FMNL2: variants seen among roughly 807,000 people sequenced by gnomAD.
FMNL2 encodes formin-like protein 2.
FMNL2 carries 51 observed loss-of-function variants against 130.2 expected under a neutral mutation model. That is an observed-to-expected ratio of 0.39 (90% confidence interval 0.31 to 0.49). FMNL2 has a LOEUF of 0.49. Ranked by LOEUF, FMNL2 falls within the 20% of genes least tolerant of loss-of-function variation. FMNL2 has a pLI of 0.85. For synonymous variants in FMNL2, 465 were observed against 467.1 expected, an observed-to-expected ratio of 1.00 and a Z score of 0.06; for missense variants, 977 against 1,316.2, an observed-to-expected ratio of 0.74 and a Z score of 3.99.
chr2:152,381,442 A>G (rs963433725), intron 1 of FMNL2, among the ~76,000 whole-genome samples: 3 of 152,188 alleles, frequency 2.0e-5, no homozygotes, highest in Non-Finnish European at 2.9e-5. Flanking sequence ...TGGGGAGACA[A>G]TGAGAGGAGC....
intron 2 of FMNL2, among the ~76,000 whole-genome samples, chr2:152,533,033 C>T (rs539262585): frequency 6.6e-6 from 1 of 152,256 alleles, no homozygotes; most frequent in East Asian, 1.9e-4. Context: ...TTTTGTCTCA[C>T]TTTTTAGTAT....
chr2:152,627,311 A>G (rs1012741193), intron 17 of FMNL2, among the ~76,000 whole-genome samples: 2 of 152,240 alleles, frequency 1.3e-5, no homozygotes, highest in African/African-American at 4.8e-5. Context: ...TTACTCTTGA[A>G]CTGCATAGAA....
intron 25 of FMNL2, chr2:152,645,471 T>C (rs1486387153): frequency 2.0e-5 from 26 of 1,290,070 alleles, no homozygotes; most frequent in Non-Finnish European, 2.6e-5. Context: ...TTCCAAATGT[T>C]CACTCGAGGG....
At chr2:152,456,725 C>T (rs1688977329) in intron 1 of FMNL2, among the ~76,000 whole-genome samples, 1 of 151,954 alleles carries the variant, frequency 6.6e-6, no homozygotes, top group African/African-American at 2.4e-5. Flanking sequence ...GGGCGAATCA[C>T]GAGGTCAGGA....
intron 1 of FMNL2, among the ~76,000 whole-genome samples, chr2:152,374,562 C>T (rs560374078): frequency 3.2e-4 from 49 of 152,086 alleles, no homozygotes; most frequent in South Asian, 2.7e-3. Flanking sequence ...GAAAATGACG[C>T]GGATTATGGA....
intron 21 of FMNL2, among the ~76,000 whole-genome samples, chr2:152,634,888 C>A (rs1682455164): frequency 6.6e-6 from 1 of 151,724 alleles, no homozygotes. Context: ...TGTAGTGGAT[C>A]AGACCAGCAG....
chr2:152,593,902 T>TGTGTGTGTGAGAGA (rs1296082394), intron 9 of FMNL2, among the ~76,000 whole-genome samples: 2 of 81,636 alleles, frequency 2.4e-5, no homozygotes, highest in East Asian at 7.5e-4. Context: ...TGTGTGTGTG[T>TGTGTGTGTGAGAGA]GAGAGAGAGA....
intron 9 of FMNL2, among the ~76,000 whole-genome samples, chr2:152,600,915 A>G (rs1277263341): frequency 6.6e-6 from 1 of 152,200 alleles, no homozygotes; most frequent in Non-Finnish European, 1.5e-5. Flanking sequence ...ATTCAGGGCC[A>G]GCACAGCCAA....
intron 1 of FMNL2, among the ~76,000 whole-genome samples, chr2:152,498,040 A>G (rs555500339): frequency 1.1e-4 from 16 of 152,264 alleles, no homozygotes; most frequent in Admixed American, 3.9e-4. Flanking sequence ...GCCCTAGACT[A>G]TCTTTAAAGG....
intron 25 of FMNL2, chr2:152,645,533 C>G: frequency 7.8e-7 from 1 of 1,288,010 alleles, no homozygotes; most frequent in Non-Finnish European, 1.0e-6. Context: ...AGCTGGCAAG[C>G]ATCACTTTTT....
intron 1 of FMNL2, among the ~76,000 whole-genome samples, chr2:152,512,908 C>G (rs577228484): frequency 1.3e-5 from 2 of 152,306 alleles, no homozygotes; most frequent in Non-Finnish European, 2.9e-5. Flanking sequence ...GTTCCAACTA[C>G]TTTACATGCG....
chr2:152,516,120 A>G (rs1226031611), intron 1 of FMNL2, among the ~76,000 whole-genome samples: 1 of 152,050 alleles, frequency 6.6e-6, no homozygotes, highest in African/African-American at 2.4e-5. Flanking sequence ...CCTTTTTTGT[A>G]GCGACAAGTA....
At chr2:152,421,097 C>T (rs796675241) in intron 1 of FMNL2, among the ~76,000 whole-genome samples, 78 of 152,266 alleles carry the variant, frequency 5.1e-4, no homozygotes, top group African/African-American at 1.8e-3. Context: ...AATGAAACAA[C>T]GCCCTGCCCA....
chr2:152,633,297 T>C (rs1285029247), intron 21 of FMNL2, among the ~76,000 whole-genome samples: 2 of 152,120 alleles, frequency 1.3e-5, no homozygotes, highest in Admixed American at 1.3e-4. Flanking sequence ...GGTCTCCCTG[T>C]GTTGCCTAGG....
rs181919519 is a variant in FMNL2, at chr2:152,605,293, C to T, written c.877-2046C>T. Among the ~76,000 whole-genome samples, 185 of 151,032 alleles carry T rather than the reference C, an allele frequency of 1.2e-3. 1 individual carries two copies. The highest frequency in any genetic ancestry group is 2.0e-3 in the Non-Finnish European group (134 of 67,886). Reference sequence around the variant, plus strand: ...CAGTGTGGGACTGGTCATGTGTGTGCGTCTGTGCGTGTGCGTGTGTGTGTG... The same window carrying T: ...CAGTGTGGGACTGGTCATGTGTGTGTGTCTGTGCGTGTGCGTGTGTGTGTG... On this transcript the variant is annotated intron_variant, in intron 9 of 25. Transcript: ENST00000288670.
At chr2:152,380,599 A>G (rs1684407395) in intron 1 of FMNL2, among the ~76,000 whole-genome samples, 1 of 152,196 alleles carries the variant, frequency 6.6e-6, no homozygotes, top group Non-Finnish European at 1.5e-5. Flanking sequence ...CCCTTTAGCT[A>G]GAATGCCCTT....
At position 152,570,143 on chromosome 2, in the gene FMNL2, G is replaced by A. The variant is rs553888180; in HGVS notation, c.597-4993G>A. On this transcript the variant is annotated intron_variant, in intron 6 of 25. Coordinates refer to ENST00000288670, the MANE Select transcript of FMNL2 (RefSeq NM_052905.4). ...TACATATAACTATTGGTATCTGCTG[G>A]GATATGCATAACACTAATAAAAGGG... is the stretch of plus-strand genomic sequence containing the variant. Among the ~76,000 whole-genome samples the A allele has an allele frequency of 2.6e-5, 4 of 152,086 alleles. No individual in the cohort carries two copies. In the East Asian group the frequency reaches 5.8e-4, roughly 22 times the overall value.
chr2:152,625,146 G>T (rs1681691356), intron 15 of FMNL2: 1 of 321,596 alleles, frequency 3.1e-6, no homozygotes, highest in African/African-American at 2.1e-5. Flanking sequence ...TCCTAATATT[G>T]TAACTGTAAT....
intron 1 of FMNL2, among the ~76,000 whole-genome samples, chr2:152,457,442 C>T (rs1393481385): frequency 6.6e-6 from 1 of 152,138 alleles, no homozygotes; most frequent in Non-Finnish European, 1.5e-5. Context: ...TGAAGATGTG[C>T]TAACTAGACT....
Sources: gnomAD v4.1 joint callset for allele counts (sites outside exome capture counted in the v4.1 genomes callset) on GRCh38, gnomAD v4.1.1 for gene constraint, MANE v1.5 for transcripts, NCBI Gene and HGNC (gene_info 2026-07-23, HGNC 2026-07-21) for gene names.